LRRC7: variants seen among roughly 807,000 people sequenced by gnomAD.
LRRC7 encodes leucine rich repeat containing 7.
In LRRC7, 23 loss-of-function variants were observed where a neutral mutation model predicts 175.7. The ratio of observed to expected loss-of-function variants is 0.13; its 90% CI spans 0.09 to 0.19. The LOEUF is 0.19. Among genes scored for constraint, LRRC7 ranks in the 10% least tolerant of loss-of-function variants. The pLI, the probability that LRRC7 is intolerant of heterozygous loss-of-function variation, is 1.00. For synonymous variants in LRRC7, 685 were observed against 680.9 expected, an observed-to-expected ratio of 1.01 and a Z score of -0.09; for missense variants, 1,354 against 1,904.7, an observed-to-expected ratio of 0.71 and a Z score of 5.38.
chr1:69,822,377 G>T (rs1415635801), intron 4 of LRRC7, among the ~76,000 whole-genome samples: 1 of 152,218 alleles, frequency 6.6e-6, no homozygotes, highest in African/African-American at 2.4e-5. Context: ...AACACAACGT[G>T]TTGGGAGGAC....
chr1:69,640,512 C>T (rs1406061852), intron 1 of LRRC7, among the ~76,000 whole-genome samples: 1 of 151,224 alleles, frequency 6.6e-6, no homozygotes, highest in Non-Finnish European at 1.5e-5. Flanking sequence ...TTTTAGAGAA[C>T]ACAAGGGTGT....
chr1:70,069,946 A>C (rs1034807499), intron 23 of LRRC7, among the ~76,000 whole-genome samples: 2 of 152,064 alleles, frequency 1.3e-5, no homozygotes, highest in Non-Finnish European at 2.9e-5. Flanking sequence ...TAAAATCTCC[A>C]TTTGTTTCTT....
At chr1:70,050,129 G>T in intron 22 of LRRC7, among the ~76,000 whole-genome samples, 1 of 151,956 alleles carries the variant, frequency 6.6e-6, no homozygotes. Context: ...ATATACATAA[G>T]AACACACATG....
At chr1:69,660,401 G>A (rs987270531) in intron 1 of LRRC7, among the ~76,000 whole-genome samples, 8 of 152,026 alleles carry the variant, frequency 5.3e-5, no homozygotes, top group Non-Finnish European at 7.4e-5. Flanking sequence ...AACAAAATCA[G>A]CAACATTTGG....
intron 1 of LRRC7, among the ~76,000 whole-genome samples, chr1:69,655,771 A>G (rs1044997159): frequency 6.6e-6 from 1 of 152,100 alleles, no homozygotes; most frequent in African/African-American, 2.4e-5. Context: ...AGCTATAGAT[A>G]CTAGAATTGT....
intron 1 of LRRC7, among the ~76,000 whole-genome samples, chr1:69,666,051 C>A (rs1266975736): frequency 6.6e-6 from 1 of 152,056 alleles, no homozygotes; most frequent in Non-Finnish European, 1.5e-5. Flanking sequence ...CGAATGTTAT[C>A]AAATGCTTCT....
intron 1 of LRRC7, among the ~76,000 whole-genome samples, chr1:69,666,904 G>A (rs1205916807): frequency 6.6e-6 from 1 of 151,894 alleles, no homozygotes; most frequent in Non-Finnish European, 1.5e-5. Context: ...TCATTAGGTT[G>A]TTTATTTGAA....
Position 69,848,019 on chromosome 1 carries a change from G to A in LRRC7, c.647+9736G>A, listed in dbSNP as rs565427142. Among the ~76,000 whole-genome samples the A allele has an allele frequency of 1.2e-4, 18 of 152,110 alleles. No homozygotes were observed. The South Asian group carries it at 3.7e-3, about 31-fold the overall frequency. Reference sequence around the variant, plus strand: ...ATACAATGCACCTTTATATCTCGAAGCATCTTTCTTGAGACATTCCCTTTT... The same window carrying A: ...ATACAATGCACCTTTATATCTCGAAACATCTTTCTTGAGACATTCCCTTTT... On this transcript the variant is annotated intron_variant, in intron 7 of 26. Transcript: ENST00000651989.
At chr1:69,719,667 T>C (rs559771137) in intron 2 of LRRC7, among the ~76,000 whole-genome samples, 1 of 151,824 alleles carries the variant, frequency 6.6e-6, no homozygotes, top group Non-Finnish European at 1.5e-5. Flanking sequence ...TTGCATTATT[T>C]CTTTTTCTGT....
intron 11 of LRRC7, among the ~76,000 whole-genome samples, chr1:70,007,371 C>A (rs1468365915): frequency 6.6e-6 from 1 of 152,100 alleles, no homozygotes; most frequent in Non-Finnish European, 1.5e-5. Flanking sequence ...ACCTTGCAAT[C>A]TGAAACTGTG....
At chr1:70,017,267 A>G (rs1394156261) in intron 14 of LRRC7, among the ~76,000 whole-genome samples, 1 of 123,528 alleles carries the variant, frequency 8.1e-6, no homozygotes, top group South Asian at 2.4e-4. Flanking sequence ...TCTGTCTCAG[A>G]AAAAAAAAAA....
chr1:70,019,628 T>C (rs996336282), intron 15 of LRRC7, among the ~76,000 whole-genome samples: 1 of 151,984 alleles, frequency 6.6e-6, no homozygotes, highest in Non-Finnish European at 1.5e-5. Context: ...CCAGGGATAA[T>C]TATAATAAAT....
chr1:69,587,121 GTT>G (rs1319022002), intron 1 of LRRC7, among the ~76,000 whole-genome samples: 1 of 152,106 alleles, frequency 6.6e-6, no homozygotes, highest in African/African-American at 2.4e-5. Context: ...ATAACAGAGT[GTT>G]TTTCTGATTG....
In LRRC7 at chr1:70,038,232, C is replaced by A. The variant is rs757203769; in HGVS notation, c.2408C>A (p.Thr803Asn). 3 of 1,614,178 alleles carry A rather than the reference C, an allele frequency of 1.9e-6. No individual in the cohort carries two copies. Among genetic ancestry groups the A allele is most frequent in the Middle Eastern group, 3.3e-4 (2 of 6,062 alleles). ...PDRLPMSDTF[T>N]DNWTDGSHYD... ...CGGCTGCCCATGAGTGATACTTTCA[C>A]TGACAACTGGACTGATGGCTCGCAT... The change falls in exon 21 of 27, where the codon ACT becomes AAT. Residue 803 changes from threonine to asparagine, a missense_variant. Thr to Asn is a moderately conservative substitution (Grantham distance 65). Around this residue, in one of 4 missense-constraint regions of LRRC7, gnomAD observed 1,032 missense variants for 1,227.2 expected, o/e 0.84. Transcript: ENST00000651989.
chr1:69,748,662 C>T (rs887144400), intron 2 of LRRC7, among the ~76,000 whole-genome samples: 6 of 152,156 alleles, frequency 3.9e-5, no homozygotes, highest in South Asian at 2.1e-4. Context: ...TCATTAAGAA[C>T]ATAAATCTTG....
intron 7 of LRRC7, among the ~76,000 whole-genome samples, chr1:69,898,065 T>C (rs892298880): frequency 1.3e-5 from 2 of 152,134 alleles, no homozygotes; most frequent in African/African-American, 4.8e-5. Flanking sequence ...AGCTATAAAG[T>C]AGCTATGTAG....
intron 2 of LRRC7, among the ~76,000 whole-genome samples, chr1:69,715,267 T>A (rs1440335317): frequency 1.3e-5 from 2 of 152,190 alleles, no homozygotes; most frequent in Non-Finnish European, 2.9e-5. Context: ...TCTGTCCCAC[T>A]GATAAATGGA....
intron 1 of LRRC7, among the ~76,000 whole-genome samples, chr1:69,629,455 C>G (rs1652132530): frequency 6.6e-6 from 1 of 152,056 alleles, no homozygotes. Flanking sequence ...ACCATGTTAT[C>G]AGCTGGAAAT....
At chr1:69,768,991 C>A (rs1671931689) in intron 3 of LRRC7, among the ~76,000 whole-genome samples, 1 of 152,158 alleles carries the variant, frequency 6.6e-6, no homozygotes, top group African/African-American at 2.4e-5. Flanking sequence ...TTCTAAAATT[C>A]TTTCCAAACA....
Sources: allele counts gnomAD v4.1 joint callset (sites outside exome capture counted in the v4.1 genomes callset), GRCh38; gene constraint gnomAD v4.1.1; regional missense constraint gnomAD v4.1.1; transcripts MANE v1.5; gene names NCBI Gene and HGNC (gene_info 2026-07-23, HGNC 2026-07-21).